Variants in MYO1G observed in about 807,000 individuals in gnomAD.
MYO1G encodes the protein unconventional myosin-Ig.
A neutral mutation model predicts 115.3 loss-of-function variants in MYO1G; 65 were observed. The observed-to-expected ratio is 0.56, with a 90% CI of 0.46 to 0.69. The LOEUF is 0.69. Ranked by LOEUF, MYO1G falls within the 30% of genes least tolerant of loss-of-function variation. MYO1G has a pLI of 0.00. For missense variants in MYO1G, 1,204 were observed against 1,393.5 expected (o/e 0.86, Z 2.16); for synonymous variants, 510 against 552.6 (o/e 0.92, Z 1.08).
chr7:44,971,060 C>T lies in MYO1G; in HGVS notation c.847-1G>A. 6.2e-7 allele frequency: 1 copy of T among 1,608,080 alleles called. No individual in the cohort carries two copies. Among genetic ancestry groups the T allele is most frequent in the East Asian group, 2.2e-5 (1 of 44,762 alleles). On this transcript the variant is annotated splice_acceptor_variant, in intron 7 of 21. Coordinates refer to ENST00000258787, the MANE Select transcript of MYO1G (RefSeq NM_033054.3). LOFTEE classifies it high-confidence loss of function. ...CCGTCTCCACAAACTCGATGTTTCC[C>T]TGGTGATGGGAAAACCATGAACAGT...
rs1795055726 is a variant in MYO1G at position 44,976,713 on chromosome 7, T to A, written c.305-56A>T. 1.9e-6 allele frequency: 3 copies of A among 1,607,182 alleles called. No homozygotes were observed. In the Admixed American group the frequency reaches 5.0e-5, roughly 27 times the overall value. ...GCCAGGTTCGCTCTCTTAGCCCAGC[T>A]CCCTGTGCCCACTCACACCCCCAAG... On this transcript the variant is annotated intron_variant, in intron 2 of 21. Coordinates refer to ENST00000258787, the MANE Select transcript of MYO1G (RefSeq NM_033054.3).
Position 44,967,559 on chromosome 7 carries a change from A to G in MYO1G, c.1782+46T>C, listed in dbSNP as rs772189354. 2.5e-6 allele frequency: 4 copies of G among 1,611,382 alleles called. No individual in the cohort carries two copies. The South Asian group carries it at 3.3e-5, about 13-fold the overall frequency. ...ACCCTACTTGGCACCGAGGGCACAG[A>G]GAGAAGGATCCGGAACAGCCAGAGT... On this transcript the variant is annotated intron_variant, in intron 14 of 21. Transcript: ENST00000258787.
intron 1 of MYO1G, 123 bp from the exon 2 acceptor site, chr7:44,977,194 G>A: frequency 2.3e-6 from 2 of 886,318 alleles, no homozygotes; most frequent in Non-Finnish European, 3.4e-6. Context: ...CGGGCTGAGA[G>A]TGGAGAAGGA....
At position 44,971,051 on chromosome 7, in the gene MYO1G, G is replaced by T. The variant is rs374225368; in HGVS notation, c.855C>A (p.Ile285=). Reference sequence around the variant, plus strand: ...CACCCTCCTCCGTCTCCACAAACTCGATGTTTCCCTGGTGATGGGAAAACC... The same window carrying T: ...CACCCTCCTCCGTCTCCACAAACTCTATGTTTCCCTGGTGATGGGAAAACC... ...ILAAILHLGN[I]EFVETEEGGL... Residue 285 remains isoleucine, a synonymous_variant, in exon 8 of 22, where the codon ATC becomes ATA. Coordinates refer to ENST00000258787, the MANE Select transcript of MYO1G (RefSeq NM_033054.3). The T allele has an allele frequency of 6.2e-7, 1 of 1,609,806 alleles. No individual in the cohort carries two copies. Among genetic ancestry groups the T allele is most frequent in the Admixed American group, 1.7e-5 (1 of 59,928 alleles).
At chr7:44,965,991 A>G in intron 16 of MYO1G, 82 bp downstream of exon 16, 1 of 1,567,120 alleles carries the variant, frequency 6.4e-7, no homozygotes, top group Non-Finnish European at 8.7e-7. Context: ...CTCCTGTGAA[A>G]CTTACAAGTG....
chr7:44,969,560 C>T lies in MYO1G; in HGVS notation c.1504-77G>A. 2.5e-6 allele frequency: 4 copies of T among 1,584,132 alleles called. No homozygotes were observed. The highest frequency in any genetic ancestry group is 3.5e-6 in the Non-Finnish European group (4 of 1,154,152). ...TGAAGGGATAGCCCTGCCTCCCCAC[C>T]TCCAGGGCAGAGAAGGTTGCCACAG... On this transcript the variant is annotated intron_variant, in intron 11 of 21. Coordinates refer to ENST00000258787, the MANE Select transcript of MYO1G (RefSeq NM_033054.3). This position sits in a 1 kb window ranked among gnomAD's most constrained non-coding sequence, Gnocchi z 5.0.
At position 44,969,650 on chromosome 7, in the gene MYO1G, C is replaced by T; in HGVS notation, c.1503+55G>A. 1.2e-6 allele frequency: 2 copies of T among 1,600,262 alleles called. No individual in the cohort carries two copies. Among genetic ancestry groups the T allele is most frequent in the East Asian group, 2.2e-5 (1 of 44,840 alleles). On this transcript the variant is annotated intron_variant, in intron 11 of 21. Transcript: ENST00000258787. This position sits in a 1 kb window ranked among gnomAD's most constrained non-coding sequence, Gnocchi z 5.0. ...CCACGAGGCATGGGCAGCATGGTGC[C>T]TGTGGGGCAGGTCCCACCAGCCCAC...
In MYO1G at chr7:44,965,822, C is replaced by A. The variant is rs1002272536; in HGVS notation, c.2196G>T (p.Arg732Ser). ...GCATGATGGTGTAGATAGCCCTCAG[C>A]CTCCGGCAGCGCCACCTCGCCAAGG... is the stretch of plus-strand genomic sequence containing the variant. ...RGTLARWRCR[R>S]LRAIYTIMRW... Residue 732 changes from arginine (R) to serine (S), a missense_variant, in exon 17 of 22, where the codon AGG becomes AGT. Transcript: ENST00000258787. The A allele has an allele frequency of 5.0e-6, 8 of 1,600,886 alleles. No individual in the cohort carries two copies. The highest frequency in any genetic ancestry group is 6.8e-6 in the Non-Finnish European group (8 of 1,179,930).
chr7:44,972,222 G>A lies in MYO1G; in HGVS notation c.622C>T (p.Leu208=). 1.9e-6 allele frequency: 3 copies of A among 1,612,260 alleles called. No individual in the cohort carries two copies. The highest frequency in any genetic ancestry group is 2.5e-6 in the Non-Finnish European group (3 of 1,178,438). The change falls in exon 6 of 22, where the codon CTG becomes TTG. Residue 208 remains leucine, a synonymous_variant. Transcript: ENST00000258787. ...ERNFHAFYQL[L]RGSEDKQLHE... is the part of the protein sequence containing the mutation. ...AGCTGCTTGTCCTCACTGCCTCTCA[G>A]CAACTAGAGGACACAGGCATCCTTT...
rs774092283 is a variant in MYO1G, at chr7:44,975,561, C to G, written c.487G>C (p.Gly163Arg). The change falls in exon 4 of 22, where the codon GGC (glycine) becomes CGC (arginine). Residue 163 changes from glycine to arginine, a missense_variant. Coordinates refer to ENST00000258787, the MANE Select transcript of MYO1G (RefSeq NM_033054.3). The part of the protein sequence containing the change: ...TNRNHNSSRF[G>R]KYMDINFDFK... ...TCAAAGTTGATGTCCATGTACTTGC[C>G]AAAGCGGCTGGAGTTGTGATTGCGG... 1 of 1,614,032 alleles carries G rather than the reference C, an allele frequency of 6.2e-7. No individual in the cohort carries two copies.
Position 44,966,625 on chromosome 7 carries a change from A to C in MYO1G, c.1949+47T>G. 1 of 1,610,094 alleles carries C rather than the reference A, an allele frequency of 6.2e-7. No individual in the cohort carries two copies. The highest frequency in any genetic ancestry group is 8.5e-7 in the Non-Finnish European group (1 of 1,177,892). ...CCTCTGCTCCTACCCCTTGGACTCC[A>C]CACAGGGACTATGGCCCATGGAGTG... On this transcript the variant is annotated intron_variant, in intron 15 of 21. Coordinates refer to ENST00000258787, the MANE Select transcript of MYO1G (RefSeq NM_033054.3). The surrounding 1 kb of genome is among the most constrained non-coding windows in gnomAD (Gnocchi z 5.0).
Position 44,965,055 on chromosome 7 carries a change from G to T in MYO1G, c.2416C>A (p.Pro806Thr), listed in dbSNP as rs779650578. The T allele has an allele frequency of 1.4e-5, 22 of 1,610,228 alleles. No individual in the cohort carries two copies. The highest frequency in any genetic ancestry group is 1.7e-5 in the Non-Finnish European group (20 of 1,177,526). The change falls in exon 18 of 22, where the codon CCT (proline) becomes ACT (threonine). Residue 806 changes from proline (P) to threonine (T), a missense_variant. Coordinates refer to ENST00000258787, the MANE Select transcript of MYO1G (RefSeq NM_033054.3). ...GCCTTGATCTGGGGCATGTCTGAAGGGGGGATGTTCTTCACCAGCTGCCGG... is the reference window on the plus strand; with the variant it reads ...GCCTTGATCTGGGGCATGTCTGAAGTGGGGATGTTCTTCACCAGCTGCCGG... The part of the protein sequence containing the change: ...RARQLVKNIP[P>T]SDMPQIKAKV...
intron 16 of MYO1G, 61 bp from the exon 17 acceptor site, chr7:44,965,921 C>T (rs927882247): frequency 6.4e-7 from 1 of 1,564,340 alleles, no homozygotes; most frequent in Middle Eastern, 2.2e-4. Flanking sequence ...AACCCTTAGA[C>T]CCAAACCTGG....
rs554354933 is a variant in MYO1G, at chr7:44,966,114, G to A, written c.2116C>T (p.Arg706Ter). The A allele has an allele frequency of 4.3e-6, 7 of 1,612,848 alleles. No individual in the cohort carries two copies. Among genetic ancestry groups the A allele is most frequent in the East Asian group, 2.2e-5 (1 of 44,862 alleles). The stretch of plus-strand genomic sequence containing the variant: ...ACAATGATGGGGATGAGGCGGGCTC[G>A]GCTCTGCTCCAGTGTGACCAGTGTC... ...PRTLVTLEQS[R>*]ARLIPIIVLL... Residue 706 changes from arginine to a stop codon, truncating the protein, a stop_gained, in exon 16 of 22, where the codon CGA becomes TGA. Coordinates refer to ENST00000258787, the MANE Select transcript of MYO1G (RefSeq NM_033054.3). LOFTEE classifies it high-confidence loss of function. The surrounding 1 kb of genome is among the most constrained non-coding windows in gnomAD (Gnocchi z 5.0).
Position 44,971,663 on chromosome 7 carries a change from C to A in MYO1G, c.846+10G>T. On this transcript the variant is annotated intron_variant, in intron 7 of 21. Coordinates refer to ENST00000258787, the MANE Select transcript of MYO1G (RefSeq NM_033054.3). ...GAAGTAGCCCTCCCAGGCTTCTGAG[C>A]CAGGCTCACCAGGTGCAATATGGCA... is the stretch of plus-strand genomic sequence containing the variant. The A allele has an allele frequency of 6.4e-7, 1 of 1,551,908 alleles. No individual in the cohort carries two copies. The highest frequency in any genetic ancestry group is 8.7e-7 in the Non-Finnish European group (1 of 1,145,644).
At chr7:44,977,188 C>T (rs1021975098) in intron 1 of MYO1G, 117 bp from the exon 2 acceptor site, 13 of 940,854 alleles carry the variant, frequency 1.4e-5, no homozygotes, top group Non-Finnish European at 2.0e-5. Context: ...CCCTGACGGG[C>T]TGAGAGTGGA....
At chr7:44,965,523 C>T in intron 17 of MYO1G, 114 bp downstream of exon 17, 6 of 1,003,670 alleles carry the variant, frequency 6.0e-6, no homozygotes, top group East Asian at 2.5e-5. Context: ...CACCTTCCCA[C>T]CTATCAAGGG....
At chr7:44,972,359 G>C in intron 5 of MYO1G, 134 bp from the exon 6 acceptor site, 1 of 671,718 alleles carries the variant, frequency 1.5e-6, no homozygotes, top group East Asian at 2.7e-5. Flanking sequence ...AGGTCAGACA[G>C]TGTGAACAGT....
rs1313276657 is a variant in MYO1G at position 44,969,808 on chromosome 7, A to G, written c.1400T>C (p.Val467Ala). 6.2e-7 allele frequency: 1 copy of G among 1,613,328 alleles called. No homozygotes were observed. Among genetic ancestry groups the G allele is most frequent in the Non-Finnish European group, 8.5e-7 (1 of 1,179,924 alleles). Residue 467 changes from valine to alanine, a missense_variant, in exon 11 of 22, where the codon GTG (valine) becomes GCG (alanine). Transcript: ENST00000258787. The surrounding 1 kb of genome is among the most constrained non-coding windows in gnomAD (Gnocchi z 5.0). ...AGCAGAGCTGCAGGCCTCGTCCAGC[A>G]CGGCCAGGATGCCACGGTGGGGCCG... The part of the protein sequence containing the change: ...VERPHRGILA[V>A]LDEACSSAGT...
Sources: gnomAD v4.1 joint callset for allele counts on GRCh38, gnomAD v4.1.1 for gene constraint, Gnocchi (gnomAD v3.1) non-coding constraint, MANE v1.5 for transcripts, NCBI Gene and HGNC (gene_info 2026-07-23, HGNC 2026-07-21) for gene names.